Variants in LUZP4 observed in about 807,000 individuals in gnomAD.
LUZP4 encodes the protein HOM-TES-85 tumor antigen.
Under a neutral mutation model 8.5 loss-of-function variants are expected in LUZP4, and 11 were observed. That is an observed-to-expected ratio of 1.30 (90% confidence interval 0.82 to 2.14). The LOEUF is 2.14. LUZP4 is among the 30% of genes most tolerant of loss of function. The pLI is 0.00. For synonymous variants in LUZP4, 104 were observed against 79.4 expected (o/e 1.31, Z -1.65); for missense variants, 276 against 229.7 (o/e 1.20, Z -1.30).
At position 115,306,560 on chromosome X, in the gene LUZP4, G is replaced by A. The variant is rs149282857; in HGVS notation, c.698G>A (p.Arg233His). ...ERSHGHSKRS[R>H]SQGDLVDTQS... The stretch of plus-strand genomic sequence containing the variant: ...TCTCATGGTCACTCAAAGAGATCTC[G>A]TAGCCAGGGAGATCTTGTGGACACT... The change falls in exon 4 of 4, where the codon CGT becomes CAT. Residue 233 changes from arginine (R) to histidine (H), a missense_variant. Physicochemically the swap from Arg to His is conservative, Grantham distance 29. Transcript: ENST00000371920. The A allele has an allele frequency of 3.3e-5, 40 of 1,204,155 alleles. No homozygotes were observed. The highest frequency in any genetic ancestry group is 2.5e-4 in the African/African-American group (14 of 55,417).
chrX:115,293,909 C>T (rs1345076469), intron 1 of LUZP4, among the ~76,000 whole-genome samples: 1 of 109,347 alleles, frequency 9.1e-6, no homozygotes, highest in African/African-American at 3.3e-5. Flanking sequence ...CGAGATTGTG[C>T]CACTGCACTC....
chrX:115,303,289 A>T lies in LUZP4; in HGVS notation c.224-11A>T. On this transcript the variant is annotated splice_polypyrimidine_tract_variant and intron_variant, in intron 2 of 3. Transcript: ENST00000371920. ...CTACTTGAAAATACAGAAAATATTT[A>T]TTTTTCAAAGGCTACTCAAGATGCA... The T allele has an allele frequency of 1.0e-6, 1 of 973,028 alleles. No homozygotes were observed. The highest frequency in any genetic ancestry group is 1.4e-6 in the Non-Finnish European group (1 of 698,577). 80.2% of individuals were successfully genotyped at this position (973,028 alleles called of 1,213,427 possible). A position where few individuals can be genotyped will look rare whatever the true frequency, so the allele number is the denominator to read the frequency against.
intron 1 of LUZP4, among the ~76,000 whole-genome samples, chrX:115,300,149 G>A (rs1295675363): frequency 9.0e-6 from 1 of 111,449 alleles, no homozygotes; most frequent in Non-Finnish European, 1.9e-5. Context: ...GTCCAGCCTG[G>A]GGTTAGGGGA....
intron 1 of LUZP4, among the ~76,000 whole-genome samples, chrX:115,299,462 C>G (rs1241845257): frequency 1.8e-5 from 2 of 111,393 alleles, no homozygotes; most frequent in African/African-American, 6.5e-5. Flanking sequence ...AGAAGTCTAC[C>G]TGGTGTTCTA....
rs960391438 is a variant in LUZP4, at chrX:115,306,854, A to G, written c.*50A>G. ...TGTGGAAATAGAAAAGCATATATCT[A>G]TATTCTAATGGCTAAATATGTATTT... On this transcript the variant is annotated 3_prime_UTR_variant, in exon 4 of 4. Transcript: ENST00000371920. 13 of 1,062,662 alleles carry G rather than the reference A, an allele frequency of 1.2e-5. No individual in the cohort carries two copies. Among genetic ancestry groups the G allele is most frequent in the African/African-American group, 5.5e-5 (3 of 54,229 alleles). 87.6% of individuals were successfully genotyped at this position (1,062,662 alleles called of 1,213,427 possible).
intron 3 of LUZP4, among the ~76,000 whole-genome samples, chrX:115,303,683 T>A (rs2073408135): frequency 8.9e-6 from 1 of 112,491 alleles, no homozygotes; most frequent in South Asian, 3.6e-4. Flanking sequence ...TTAATTATTG[T>A]CATTAATCCT....
intron 1 of LUZP4, among the ~76,000 whole-genome samples, chrX:115,299,557 C>T (rs782336736): frequency 9.0e-6 from 1 of 111,436 alleles, no homozygotes; most frequent in South Asian, 3.8e-4. Flanking sequence ...AGAGGAGCCT[C>T]ACCCCATAGC....
chrX:115,304,212 AGTCT>A (rs1175495632), intron 3 of LUZP4, among the ~76,000 whole-genome samples: 1 of 112,252 alleles, frequency 8.9e-6, no homozygotes, highest in Non-Finnish European at 1.9e-5. Context: ...TGCTTCAAAT[AGTCT>A]GTGTGGTGGT....
intron 1 of LUZP4, among the ~76,000 whole-genome samples, chrX:115,295,827 AG>A (rs1318567070): frequency 1.8e-5 from 2 of 111,892 alleles, no homozygotes; most frequent in Non-Finnish European, 3.8e-5. Flanking sequence ...GTAGTTAGAA[AG>A]AAAAGAACTC....
In LUZP4 at chrX:115,306,438, C is replaced by T; in HGVS notation, c.576C>T (p.Gly192=). 1 of 1,211,263 alleles carries T rather than the reference C, an allele frequency of 8.3e-7. No individual in the cohort carries two copies. Among genetic ancestry groups the T allele is most frequent in the African/African-American group, 1.7e-5 (1 of 57,754 alleles). The change falls in exon 4 of 4, where the codon GGC becomes GGT. Residue 192 remains glycine (G), a synonymous_variant. Transcript: ENST00000371920. The part of the protein sequence containing the change: ...RHHPQYERSH[G]QYKRSHGQSE... ...ATCCCCAATATGAGAGATCTCATGG[C>T]CAATACAAGAGATCTCATGGTCAAT...
intron 1 of LUZP4, among the ~76,000 whole-genome samples, chrX:115,294,068 C>T (rs1556598091): frequency 8.9e-6 from 1 of 111,958 alleles, no homozygotes; most frequent in East Asian, 2.8e-4. Flanking sequence ...CCTCACTTAC[C>T]TCACTCTAGG....
In LUZP4 at chrX:115,306,486, A is replaced by G; in HGVS notation, c.624A>G (p.Ser208=). 1.7e-6 allele frequency: 2 copies of G among 1,208,261 alleles called. No homozygotes were observed. Among genetic ancestry groups the G allele is most frequent in the Non-Finnish European group, 2.2e-6 (2 of 893,198 alleles). The change falls in exon 4 of 4, where the codon TCA becomes TCG. Residue 208 remains serine (S), a synonymous_variant. Coordinates refer to ENST00000371920, the MANE Select transcript of LUZP4 (RefSeq NM_016383.5). Reference sequence around the variant, plus strand: ...AATCTGAGAGATCTCATGGCCACTCAGAGAGATCTCATGGTCACTCAGAGA... The same window carrying G: ...AATCTGAGAGATCTCATGGCCACTCGGAGAGATCTCATGGTCACTCAGAGA... ...HGQSERSHGH[S]ERSHGHSERS...
Position 115,306,740 on chromosome X carries a change from G to T in LUZP4, c.878G>T (p.Arg293Ile). 1.7e-6 allele frequency: 2 copies of T among 1,209,231 alleles called. No homozygotes were observed. Among genetic ancestry groups the T allele is most frequent in the Non-Finnish European group, 2.2e-6 (2 of 893,590 alleles). ...AGAGATCTCATAAATCAGTCAGGGAGATCTCATGGCCAATCAGAAAGACAT... is the reference window on the plus strand; with the variant it reads ...AGAGATCTCATAAATCAGTCAGGGATATCTCATGGCCAATCAGAAAGACAT... Reference protein sequence around the residue: ...TERDLINQSGRSHGQSERHQR... With the variant: ...TERDLINQSGISHGQSERHQR... The change falls in exon 4 of 4, where the codon AGA becomes ATA. Residue 293 changes from arginine to isoleucine, a missense_variant. Physicochemically the swap from Arg to Ile is moderately conservative, Grantham distance 97 (BLOSUM62 -3). Coordinates refer to ENST00000371920, the MANE Select transcript of LUZP4 (RefSeq NM_016383.5).
chrX:115,296,677 C>T (rs1204475337), intron 1 of LUZP4, among the ~76,000 whole-genome samples: 1 of 109,019 alleles, frequency 9.2e-6, no homozygotes, highest in Non-Finnish European at 1.9e-5. Context: ...ATCTCTAAGT[C>T]GTAGCTGGTG....
rs782437282 is a variant in LUZP4 at position 115,301,993 on chromosome X, C to T, written c.93C>T (p.Asp31=). 46 of 1,124,376 alleles carry T rather than the reference C, an allele frequency of 4.1e-5. No homozygotes were observed. The highest frequency in any genetic ancestry group is 5.1e-5 in the Non-Finnish European group (43 of 842,765). 92.7% of individuals were successfully genotyped at this position (1,124,376 alleles called of 1,213,427 possible). The change falls in exon 2 of 4, where the codon GAC becomes GAT. Residue 31 remains aspartate (D), a splice_region_variant and synonymous_variant. Transcript: ENST00000371920. ...KKVNFLDMSL[D]DIIIYKELEG... ...TTTTTTATGTATTTTCTAATACAGA[C>T]GACATTATAATCTATAAAGAGTTAG...
At chrX:115,299,363 G>A (rs968233050) in intron 1 of LUZP4, among the ~76,000 whole-genome samples, 11 of 111,205 alleles carry the variant, frequency 9.9e-5, no homozygotes, top group Non-Finnish European at 1.9e-5. Flanking sequence ...CCAGGCCTGT[G>A]TCCTTTCCTT....
intron 1 of LUZP4, among the ~76,000 whole-genome samples, chrX:115,291,297 T>C (rs1556596686): frequency 9.1e-6 from 1 of 110,272 alleles, no homozygotes; most frequent in Non-Finnish European, 1.9e-5. Context: ...TTGGGTCTCC[T>C]TATGTTGCCC....
chrX:115,291,293 C>A (rs1195145063), intron 1 of LUZP4, among the ~76,000 whole-genome samples: 2 of 110,912 alleles, frequency 1.8e-5, no homozygotes, highest in South Asian at 3.9e-4. Context: ...GAGATTGGGT[C>A]TCCTTATGTT....
At chrX:115,292,446 C>A (rs1017596015) in intron 1 of LUZP4, among the ~76,000 whole-genome samples, 4 of 111,176 alleles carry the variant, frequency 3.6e-5, no homozygotes, top group African/African-American at 1.3e-4. Context: ...GGTATATGTA[C>A]ATAGAATTAA....
Sources: gnomAD v4.1 joint callset for allele counts (sites outside exome capture counted in the v4.1 genomes callset) on GRCh38, gnomAD v4.1.1 for gene constraint, MANE v1.5 for transcripts, NCBI Gene and HGNC (gene_info 2026-07-23, HGNC 2026-07-21) for gene names.